Variants in RPS6KC1 observed in about 807,000 individuals in gnomAD.
RPS6KC1 encodes ribosomal protein S6 kinase C1.
A neutral mutation model predicts 103.8 loss-of-function variants in RPS6KC1; 54 were observed. The ratio of observed to expected loss-of-function variants is 0.52; its 90% confidence interval spans 0.42 to 0.65. RPS6KC1 has a LOEUF of 0.65. Ranked by LOEUF, RPS6KC1 falls within the 30% of genes least tolerant of loss-of-function variation. The probability of loss-of-function intolerance (pLI) is 0.00; values close to 1 mark genes in which losing one functional copy is unlikely to be tolerated. For synonymous variants in RPS6KC1, 439 were observed against 438.7 expected, an observed-to-expected ratio of 1.00 and a Z score of -0.01; for missense variants, 1,151 against 1,253.8, an observed-to-expected ratio of 0.92 and a Z score of 1.24.
chr1:213,489,493 G>A, the RPS6KC1 span, among the ~76,000 whole-genome samples: 1 of 152,178 alleles, frequency 6.6e-6, no homozygotes, highest in Non-Finnish European at 1.5e-5. Flanking sequence ...CATTCAATAA[G>A]CATTTATTGA....
chr1:213,278,205 A>T (rs2149209569), downstream of RPS6KC1, among the ~76,000 whole-genome samples: 1 of 142,738 alleles, frequency 7.0e-6, no homozygotes. Flanking sequence ...ACCTAGACTT[A>T]AAAAAAAAAA....
chr1:213,395,686 G>T, the RPS6KC1 span, among the ~76,000 whole-genome samples: 1 of 152,302 alleles, frequency 6.6e-6, no homozygotes, highest in South Asian at 2.1e-4. Context: ...AGCTACTAAT[G>T]GTTTAATACC....
chr1:213,821,695 T>C, the RPS6KC1 span: 43,508 of 151,954 alleles, frequency 0.29, 9,689 homozygotes, highest in African/African-American at 0.61. Flanking sequence ...CCCCCACACG[T>C]CTTCACCATC....
chr1:213,500,022 G>A, the RPS6KC1 span, among the ~76,000 whole-genome samples: 1 of 152,022 alleles, frequency 6.6e-6, no homozygotes, highest in African/African-American at 2.4e-5. Context: ...GACTTTATAA[G>A]GACTATACAC....
At position 213,155,095 on chromosome 1, in the gene RPS6KC1, C is replaced by G. The variant is rs181450443; in HGVS notation, c.836-12763C>G. ...GGACCACACAACTCTGACCAGTGCCCTATCTTGCTATGGCTGAGGTGGTTT... is the reference window on the plus strand; with the variant it reads ...GGACCACACAACTCTGACCAGTGCCGTATCTTGCTATGGCTGAGGTGGTTT... On this transcript the variant is annotated intron_variant, in intron 6 of 14. Transcript: ENST00000366960. Among the ~76,000 whole-genome samples, 3 of 152,308 alleles carry G rather than the reference C, an allele frequency of 2.0e-5. No individual in the cohort carries two copies. In the East Asian group the frequency reaches 5.8e-4, roughly 29 times the overall value.
Position 213,094,085 on chromosome 1 carries a change from TCC to T in RPS6KC1, c.263-10360_263-10359del, listed in dbSNP as rs11331125. On this transcript the variant is annotated intron_variant, in intron 3 of 14. Transcript: ENST00000366960. Reference sequence around the variant, plus strand: ...AATTGACAAAATTTCAAATTTATGCTCCCCCCCCCCACCAAGAGAATAGTATA... The same window carrying T: ...AATTGACAAAATTTCAAATTTATGCTCCCCCCCCACCAAGAGAATAGTATA... Among the ~76,000 whole-genome samples, 311 of 148,836 alleles carry T rather than the reference TCC, an allele frequency of 2.1e-3. 4 individuals carry two copies. The highest frequency in any genetic ancestry group is 0.016 in the South Asian group (71 of 4,580).
chr1:213,235,224 T>A (rs1022431119), intron 10 of RPS6KC1, among the ~76,000 whole-genome samples: 4 of 152,254 alleles, frequency 2.6e-5, no homozygotes, highest in Admixed American at 2.0e-4. Context: ...TCTCTTGGAC[T>A]CTTTCTTTCC....
chr1:213,524,204 A>G, the RPS6KC1 span, among the ~76,000 whole-genome samples: 3 of 152,140 alleles, frequency 2.0e-5, no homozygotes, highest in Admixed American at 2.0e-4. Context: ...CTCACAAGGC[A>G]CTTGAGTGCC....
At chr1:213,582,785 A>G in the RPS6KC1 span, among the ~76,000 whole-genome samples, 3 of 152,366 alleles carry the variant, frequency 2.0e-5, no homozygotes, top group East Asian at 5.8e-4. Flanking sequence ...TATTTACAAT[A>G]AAATACACTC....
the RPS6KC1 span, among the ~76,000 whole-genome samples, chr1:213,638,856 T>C: frequency 6.6e-6 from 1 of 152,114 alleles, no homozygotes. Flanking sequence ...TTTCTGTGTG[T>C]GTTTTAGAAT....
chr1:213,236,166 C>G (rs2094216378), intron 10 of RPS6KC1, among the ~76,000 whole-genome samples: 1 of 152,118 alleles, frequency 6.6e-6, no homozygotes, highest in East Asian at 1.9e-4. Context: ...AACAGTTTCA[C>G]CCCAAAACAC....
rs376579637 is a variant in RPS6KC1, at chr1:213,260,884, A to T, written c.2912-674A>T. Among the ~76,000 whole-genome samples, 33 of 152,320 alleles carry T rather than the reference A, an allele frequency of 2.2e-4. No individual in the cohort carries two copies. In the South Asian group the frequency reaches 6.8e-3, roughly 32 times the overall value. On this transcript the variant is annotated intron_variant, in intron 12 of 14. Coordinates refer to ENST00000366960, the MANE Select transcript of RPS6KC1 (RefSeq NM_012424.6). Reference sequence around the variant, plus strand: ...CTGGCGAGAGATAGGGATAACACAGATAAAAGTGTAATTTGTAGATATTCT... The same window carrying T: ...CTGGCGAGAGATAGGGATAACACAGTTAAAAGTGTAATTTGTAGATATTCT...
chr1:213,682,778 T>C, the RPS6KC1 span, among the ~76,000 whole-genome samples: 2 of 152,258 alleles, frequency 1.3e-5, no homozygotes, highest in South Asian at 4.1e-4. Context: ...TACATGTTTA[T>C]GGGTGTTTTT....
intron 12 of RPS6KC1, among the ~76,000 whole-genome samples, chr1:213,247,334 G>T (rs1261449143): frequency 1.3e-5 from 2 of 152,146 alleles, no homozygotes; most frequent in African/African-American, 4.8e-5. Flanking sequence ...TAAAAATTCA[G>T]TTTTAGAGCA....
chr1:213,461,195 G>T, the RPS6KC1 span, among the ~76,000 whole-genome samples: 196 of 152,190 alleles, frequency 1.3e-3, no homozygotes, highest in African/African-American at 4.4e-3. Context: ...GCTACAAAGA[G>T]AATAAAATAT....
the RPS6KC1 span, among the ~76,000 whole-genome samples, chr1:213,451,404 A>T: frequency 5.3e-5 from 8 of 152,206 alleles, no homozygotes; most frequent in Non-Finnish European, 1.2e-4. Context: ...CTTCAAGCTC[A>T]ACTTATTCCA....
Position 213,273,633 on chromosome 1 carries a change from T to C in RPS6KC1, c.*999T>C, listed in dbSNP as rs985146516. The C allele has an allele frequency of 6.6e-6, 1 of 152,612 alleles. No homozygotes were observed. Among genetic ancestry groups the C allele is most frequent in the African/African-American group, 2.4e-5 (1 of 41,464 alleles). The allele number at this position is 152,612 out of a possible 1,614,324, so 9.5% of individuals were successfully genotyped here. ...AGCAAAGGATCTCATCTAAATGGAATTGAATGGCAGTCCTAGTTTGTTACT... is the reference window on the plus strand; with the variant it reads ...AGCAAAGGATCTCATCTAAATGGAACTGAATGGCAGTCCTAGTTTGTTACT... On this transcript the variant is annotated 3_prime_UTR_variant, in exon 15 of 15. Coordinates refer to ENST00000366960, the MANE Select transcript of RPS6KC1 (RefSeq NM_012424.6).
intron 8 of RPS6KC1, among the ~76,000 whole-genome samples, chr1:213,194,679 C>T (rs771562499): frequency 1.3e-5 from 2 of 152,168 alleles, no homozygotes; most frequent in African/African-American, 2.4e-5. Flanking sequence ...CTCATAGGAG[C>T]GCAAACCCTA....
the RPS6KC1 span, among the ~76,000 whole-genome samples, chr1:213,838,055 A>G: frequency 3.3e-5 from 5 of 151,046 alleles, no homozygotes; most frequent in African/African-American, 9.9e-5. Flanking sequence ...AGGAACCTCT[A>G]CTCTCTCGCT....
Sources: gnomAD v4.1 joint callset for allele counts (sites outside exome capture counted in the v4.1 genomes callset) on GRCh38, gnomAD v4.1.1 for gene constraint, MANE v1.5 for transcripts, NCBI Gene and HGNC (gene_info 2026-07-23, HGNC 2026-07-21) for gene names.